RPA2: variants seen among roughly 807,000 people sequenced by gnomAD.
RPA2 encodes replication protein A 32 kDa subunit.
RPA2 carries 22 observed loss-of-function variants against 33.4 expected under a neutral mutation model. That is an observed-to-expected ratio of 0.66 (90% CI 0.47 to 0.94). RPA2 has a LOEUF of 0.94. Ranked by LOEUF, RPA2 falls within the 40% of genes least tolerant of loss-of-function variation. RPA2 has a pLI of 0.00. For missense variants in RPA2, 279 were observed against 329.9 expected (o/e 0.85, Z 1.19); for synonymous variants, 109 against 114.9 (o/e 0.95, Z 0.33).
chr1:27,911,283 C>T lies in RPA2; in HGVS notation c.117+2780G>A, dbSNP rs956452564. Among the ~76,000 whole-genome samples, 7 of 151,684 alleles carry T rather than the reference C, an allele frequency of 4.6e-5. No individual in the cohort carries two copies. The East Asian group carries it at 7.8e-4, about 17-fold the overall frequency. On this transcript the variant is annotated intron_variant, in intron 2 of 8. Transcript: ENST00000373912. ...GCTCATGCCTGTAATACCAGCACCACGGGAGGCAAGGGTGGGAGGACTGCT... is the reference window on the plus strand; with the variant it reads ...GCTCATGCCTGTAATACCAGCACCATGGGAGGCAAGGGTGGGAGGACTGCT...
intron 4 of RPA2, among the ~76,000 whole-genome samples, chr1:27,901,273 G>A (rs2089963671): frequency 6.6e-6 from 1 of 152,170 alleles, no homozygotes; most frequent in South Asian, 2.1e-4. Context: ...GCCATCAACA[G>A]TGAGGCAAGA....
chr1:27,903,053 C>G (rs189677704), intron 4 of RPA2, among the ~76,000 whole-genome samples: 215 of 152,210 alleles, frequency 1.4e-3, no homozygotes, highest in African/African-American at 5.0e-3. Context: ...ACTCAGCCTC[C>G]CGAGTAGCTG....
rs907573554 is a variant in RPA2 at position 27,892,090 on chromosome 1, T to G, written c.*73A>C. On this transcript the variant is annotated 3_prime_UTR_variant, in exon 9 of 9. Transcript: ENST00000373912. ...CCTAGAAGCCCCCTGGCCAGACATATGCAGAGCTGGAGACAACAGATTGTG... is the reference window on the plus strand; with the variant it reads ...CCTAGAAGCCCCCTGGCCAGACATAGGCAGAGCTGGAGACAACAGATTGTG... 1 of 1,283,280 alleles carries G rather than the reference T, an allele frequency of 7.8e-7. No homozygotes were observed. Among genetic ancestry groups the G allele is most frequent in the African/African-American group, 1.5e-5 (1 of 68,408 alleles). 79.5% of individuals were successfully genotyped at this position (1,283,280 alleles called of 1,614,324 possible).
chr1:27,914,790 A>G (rs531462024), upstream of RPA2: 2 of 986,990 alleles, frequency 2.0e-6, no homozygotes, highest in South Asian at 2.9e-5. Flanking sequence ...AAATCAACCA[A>G]TCAGAACAAT....
At chr1:27,902,138 G>A (rs1481918424) in intron 4 of RPA2, among the ~76,000 whole-genome samples, 1 of 151,978 alleles carries the variant, frequency 6.6e-6, no homozygotes, top group Non-Finnish European at 1.5e-5. Flanking sequence ...CCAGGCTAGA[G>A]GGCAGTGACG....
intron 8 of RPA2, among the ~76,000 whole-genome samples, chr1:27,893,568 C>G (rs1390005428): frequency 1.3e-5 from 2 of 151,998 alleles, no homozygotes; most frequent in East Asian, 3.9e-4. Context: ...ACCTCAGCCT[C>G]CCAAAGTGCT....
At chr1:27,898,465 A>G (rs2078328) in intron 4 of RPA2, among the ~76,000 whole-genome samples, 69,229 of 151,800 alleles carry the variant, frequency 0.46, 16,738 homozygotes, top group African/African-American at 0.63. Flanking sequence ...TGGTTGACTA[A>G]GATAATTAAA....
chr1:27,912,557 CA>C (rs1377991323), intron 2 of RPA2, among the ~76,000 whole-genome samples: 2 of 152,044 alleles, frequency 1.3e-5, no homozygotes, highest in Non-Finnish European at 2.9e-5. Flanking sequence ...AAAAAAAAGG[CA>C]AACTCATTTC....
At chr1:27,912,698 C>T (rs2090114282) in intron 2 of RPA2, among the ~76,000 whole-genome samples, 1 of 152,216 alleles carries the variant, frequency 6.6e-6, no homozygotes, top group South Asian at 2.1e-4. Flanking sequence ...CCAAGGGCCA[C>T]AGCCTTCAAG....
rs995005845 is a variant in RPA2 at position 27,902,235 on chromosome 1, T to C, written c.334-4528A>G. On this transcript the variant is annotated intron_variant, in intron 4 of 8. Transcript: ENST00000373912. ...CCGAATAGCTGGGACTACAGGCACGTGCTACCATGCCCTGCTAATTTTTTA... is the reference window on the plus strand; with the variant it reads ...CCGAATAGCTGGGACTACAGGCACGCGCTACCATGCCCTGCTAATTTTTTA... Among the ~76,000 whole-genome samples, 116 of 150,756 alleles carry C rather than the reference T, an allele frequency of 7.7e-4. 1 individual carries two copies. Among genetic ancestry groups the C allele is most frequent in the Admixed American group, 7.5e-3 (113 of 15,098 alleles).
At chr1:27,903,320 G>T (rs2089989969) in intron 4 of RPA2, among the ~76,000 whole-genome samples, 3 of 152,206 alleles carry the variant, frequency 2.0e-5, no homozygotes, top group African/African-American at 7.2e-5. Flanking sequence ...GAAGTTAAAT[G>T]TTGTTCCCTG....
chr1:27,893,886 G>A (rs1235325228), intron 8 of RPA2, 126 bp downstream of exon 8: 9 of 722,960 alleles, frequency 1.2e-5, no homozygotes, highest in Non-Finnish European at 2.1e-5. Context: ...TGAGATTACA[G>A]GCGTGAGCCA....
chr1:27,906,546 C>T (rs1384787276), intron 4 of RPA2, among the ~76,000 whole-genome samples: 3 of 144,838 alleles, frequency 2.1e-5, no homozygotes, highest in African/African-American at 5.1e-5. Context: ...AAAAATTAGC[C>T]GGGCGTGGTG....
chr1:27,906,844 G>GA (rs997623772), intron 4 of RPA2, 84 bp downstream of exon 4: 68 of 877,022 alleles, frequency 7.8e-5, no homozygotes, highest in Non-Finnish European at 1.1e-4. Flanking sequence ...ATTTTTATAA[G>GA]AAAAAACTTT....
intron 3 of RPA2, 62 bp downstream of exon 3, chr1:27,907,113 TTTTTAA>T: frequency 6.3e-7 from 1 of 1,577,662 alleles, no homozygotes; most frequent in South Asian, 1.2e-5. Context: ...ATTTTTGTAT[TTTTTAA>T]TGAAGTCTTA....
chr1:27,897,011 G>A lies in RPA2; in HGVS notation c.519C>T (p.Asn173=). ...INAHMVLSKA[N]SQPSAGRAPI... ...GGAAAGCGAGACTACTCACCTGGCT[G>A]TTGGCTTTGCTTAGTACCATGTGTG... is the stretch of plus-strand genomic sequence containing the variant. Residue 173 remains asparagine (N), a synonymous_variant, in exon 6 of 9, where the codon AAC becomes AAT. Coordinates refer to ENST00000373912, the MANE Select transcript of RPA2 (RefSeq NM_002946.5). 1 of 1,605,160 alleles carries A rather than the reference G, an allele frequency of 6.2e-7. No homozygotes were observed.
chr1:27,901,199 T>C (rs1312476825), intron 4 of RPA2, among the ~76,000 whole-genome samples: 1 of 152,210 alleles, frequency 6.6e-6, no homozygotes, highest in Non-Finnish European at 1.5e-5. Context: ...CTTTGTTGTC[T>C]TATTTCAAGA....
chr1:27,897,782 G>T, intron 4 of RPA2, 75 bp from the exon 5 acceptor site: 1 of 1,029,384 alleles, frequency 9.7e-7, no homozygotes, highest in Non-Finnish European at 1.4e-6. Flanking sequence ...TCTATATTAT[G>T]TATAGAAAGA....
rs2089827423 is a variant in RPA2 at position 27,891,854 on chromosome 1, T to C, written c.*309A>G. On this transcript the variant is annotated 3_prime_UTR_variant, in exon 9 of 9. Transcript: ENST00000373912. ...TAAGAAGAGAAACTCCTGAGCACTA[T>C]GTAAGTACTCTCCTGGTAGCATCCT... The C allele has an allele frequency of 6.8e-6, 2 of 294,180 alleles. No individual in the cohort carries two copies. Among genetic ancestry groups the C allele is most frequent in the Non-Finnish European group, 1.3e-5 (2 of 154,552 alleles). The allele number at this position is 294,180 out of a possible 1,614,324, so 18.2% of individuals were successfully genotyped here.
Sources: gnomAD v4.1 joint callset for allele counts (sites outside exome capture counted in the v4.1 genomes callset) on GRCh38, gnomAD v4.1.1 for gene constraint, MANE v1.5 for transcripts, NCBI Gene and HGNC (gene_info 2026-07-23, HGNC 2026-07-21) for gene names.